The following VEGFC variants were observed in gnomAD, a reference collection of about 807,000 sequenced individuals.
VEGFC encodes the protein FLT4 ligand DHM.
A neutral mutation model predicts 46.1 loss-of-function variants in VEGFC; 12 were observed. The observed-to-expected ratio is 0.26, with a 90% CI of 0.17 to 0.42. The LOEUF (loss-of-function observed/expected upper bound fraction) is 0.42. Among genes scored for constraint, VEGFC ranks in the 10% least tolerant of loss-of-function variants. The pLI, the probability that VEGFC is intolerant of heterozygous loss-of-function variation, is 1.00. For missense variants in VEGFC, 488 were observed against 529.4 expected (o/e 0.92, Z 0.77); for synonymous variants, 232 against 195.5 (o/e 1.19, Z -1.56).
At position 176,792,362 on chromosome 4, in the gene VEGFC, G is replaced by A; in HGVS notation, c.-51C>T. ...CGGTCCGCTGGCGGGGGCAGGGGTG[G>A]GGGCGCGGGCGCCCCTGCGAGGCCG... On this transcript the variant is annotated 5_prime_UTR_variant, in exon 1 of 7. Transcript: ENST00000618562. The surrounding 1 kb of genome is among the most constrained non-coding windows in gnomAD (Gnocchi z 6.3). The A allele has an allele frequency of 7.3e-7, 1 of 1,369,188 alleles. No individual in the cohort carries two copies. The allele number at this position is 1,369,188 out of a possible 1,614,324, so 84.8% of individuals were successfully genotyped here.
At chr4:176,714,876 T>C (rs528944187) in intron 3 of VEGFC, among the ~76,000 whole-genome samples, 2 of 152,318 alleles carry the variant, frequency 1.3e-5, no homozygotes, top group South Asian at 4.1e-4. Flanking sequence ...AATAGCTAAT[T>C]CACATTAAGA....
intron 1 of VEGFC, among the ~76,000 whole-genome samples, chr4:176,762,305 G>T (rs1486066302): frequency 6.6e-6 from 1 of 152,154 alleles, no homozygotes; most frequent in African/African-American, 2.4e-5. Flanking sequence ...TGCCCAGATT[G>T]GTGGGTTTAA....
At chr4:176,719,137 C>G (rs1734740578) in intron 3 of VEGFC, among the ~76,000 whole-genome samples, 1 of 152,062 alleles carries the variant, frequency 6.6e-6, no homozygotes, top group African/African-American at 2.4e-5. Flanking sequence ...CCCTGATAAC[C>G]TCCCCTTCAT....
intron 1 of VEGFC, among the ~76,000 whole-genome samples, chr4:176,733,562 AG>A (rs1383204479): frequency 6.6e-6 from 1 of 151,874 alleles, no homozygotes; most frequent in East Asian, 1.9e-4. Flanking sequence ...GCAAATCTAC[AG>A]GGGGAGTAAC....
At chr4:176,711,176 G>A (rs2110998804) in intron 4 of VEGFC, among the ~76,000 whole-genome samples, 1 of 152,214 alleles carries the variant, frequency 6.6e-6, no homozygotes, top group Non-Finnish European at 1.5e-5. Flanking sequence ...TGATTTATGA[G>A]TTAGCATACC....
chr4:176,777,630 G>A (rs1055005579), intron 1 of VEGFC, among the ~76,000 whole-genome samples: 2 of 152,034 alleles, frequency 1.3e-5, no homozygotes, highest in South Asian at 4.2e-4. Flanking sequence ...AGCAATTCTT[G>A]TTATATATAG....
intron 4 of VEGFC, among the ~76,000 whole-genome samples, chr4:176,710,260 G>A (rs1734599732): frequency 2.0e-5 from 3 of 152,170 alleles, no homozygotes; most frequent in African/African-American, 7.2e-5. Flanking sequence ...GAGTCACTGA[G>A]GGCTTCTGCT....
intron 1 of VEGFC, among the ~76,000 whole-genome samples, chr4:176,743,636 A>G (rs1426247451): frequency 4.0e-5 from 6 of 150,956 alleles, no homozygotes; most frequent in Non-Finnish European, 8.9e-5. Context: ...ATAGATATAT[A>G]TGTCTGATGC....
rs184576859 is a variant in VEGFC at position 176,780,377 on chromosome 4, A to G, written c.147+11788T>C. ...AGCCTGGGCGACAGAGCGAGACTCC[A>G]TCTCAAAAAAAAAAAAAAAAAACTC... On this transcript the variant is annotated intron_variant, in intron 1 of 6. Coordinates refer to ENST00000618562, the MANE Select transcript of VEGFC (RefSeq NM_005429.5). 9.1e-3 allele frequency among the ~76,000 whole-genome samples: 1,343 copies of G among 148,042 alleles called. 72 individuals are homozygous for G. Among genetic ancestry groups the G allele is most frequent in the Admixed American group, 0.073 (1,065 of 14,490 alleles).
chr4:176,792,300 C>A lies in VEGFC; in HGVS notation c.12G>T (p.Leu4=). Residue 4 remains leucine (L), a synonymous_variant, in exon 1 of 7, where the codon CTG becomes CTT. Transcript: ENST00000618562. This position sits in a 1 kb window ranked among gnomAD's most constrained non-coding sequence, Gnocchi z 6.3. ...GAGAACACGCCACAGAGAAGAAGCC[C>A]AGCAAGTGCATGGTGGAAGGACCGG... The part of the protein sequence containing the change: MHL[L]GFFSVACSLL... 1 of 1,522,036 alleles carries A rather than the reference C, an allele frequency of 6.6e-7. No individual in the cohort carries two copies. 94.3% of individuals were successfully genotyped at this position (1,522,036 alleles called of 1,614,324 possible).
intron 1 of VEGFC, among the ~76,000 whole-genome samples, chr4:176,782,160 A>G (rs1735927818): frequency 6.6e-6 from 1 of 152,262 alleles, no homozygotes; most frequent in African/African-American, 2.4e-5. Flanking sequence ...ATGTAAGCAA[A>G]GCACTTGTAA....
chr4:176,690,343 G>A (rs62328268), intron 4 of VEGFC, among the ~76,000 whole-genome samples: 2 of 147,244 alleles, frequency 1.4e-5, no homozygotes, highest in Non-Finnish European at 3.0e-5. Flanking sequence ...TTTTTTTTTG[G>A]CTTTTTGGTT....
chr4:176,685,927 C>A (rs904081078), intron 6 of VEGFC, among the ~76,000 whole-genome samples: 8 of 151,986 alleles, frequency 5.3e-5, no homozygotes, highest in Non-Finnish European at 1.0e-4. Flanking sequence ...AAAATAAGGA[C>A]ACAAAACTCT....
rs1387016609 is a variant in VEGFC, at chr4:176,713,364, T to C, written c.553-1714A>G. Among the ~76,000 whole-genome samples, 7 of 152,288 alleles carry C rather than the reference T, an allele frequency of 4.6e-5. No individual in the cohort carries two copies. In the East Asian group the frequency reaches 1.4e-3, roughly 29 times the overall value. Reference sequence around the variant, plus strand: ...TTTAAGAGAGAATTCTGCAGTGTCTTCATAAGCTACAATTTTTCTATCTTT... The same window carrying C: ...TTTAAGAGAGAATTCTGCAGTGTCTCCATAAGCTACAATTTTTCTATCTTT... On this transcript the variant is annotated intron_variant, in intron 3 of 6. Coordinates refer to ENST00000618562, the MANE Select transcript of VEGFC (RefSeq NM_005429.5).
chr4:176,792,499 C>T lies in VEGFC; in HGVS notation c.-188G>A, dbSNP rs1267351808. 4 of 424,298 alleles carry T rather than the reference C, an allele frequency of 9.4e-6. No individual in the cohort carries two copies. The highest frequency in any genetic ancestry group is 1.6e-5 in the Non-Finnish European group (4 of 245,338). The allele number at this position is 424,298 out of a possible 1,614,324, so 26.3% of individuals were successfully genotyped here. A position where few individuals can be genotyped will look rare whatever the true frequency, so the allele number is the denominator to read the frequency against. Reference sequence around the variant, plus strand: ...CCGCGTTCCCAACTTTGCAGGGCGCCCTCCCAGCCAGTGCCGGGGAAAGGC... The same window carrying T: ...CCGCGTTCCCAACTTTGCAGGGCGCTCTCCCAGCCAGTGCCGGGGAAAGGC... On this transcript the variant is annotated 5_prime_UTR_variant, in exon 1 of 7. Coordinates refer to ENST00000618562, the MANE Select transcript of VEGFC (RefSeq NM_005429.5). This position sits in a 1 kb window ranked among gnomAD's most constrained non-coding sequence, Gnocchi z 6.3.
At chr4:176,691,080 T>C (rs112469340) in intron 4 of VEGFC, among the ~76,000 whole-genome samples, 2 of 152,166 alleles carry the variant, frequency 1.3e-5, no homozygotes, top group South Asian at 2.1e-4. Context: ...GCTTCAAAAG[T>C]GAGGAGCAAG....
chr4:176,743,284 A>T lies in VEGFC; in HGVS notation c.148-13538T>A, dbSNP rs569046223. Among the ~76,000 whole-genome samples, 20 of 152,138 alleles carry T rather than the reference A, an allele frequency of 1.3e-4. No homozygotes were observed. In the South Asian group the frequency reaches 1.7e-3, roughly 13 times the overall value. ...TTCCAAACTATCTATTTTCATATTT[A>T]AAAAAATGCTAAAAATATTTGGGAC... is the stretch of plus-strand genomic sequence containing the variant. On this transcript the variant is annotated intron_variant, in intron 1 of 6. Transcript: ENST00000618562.
Position 176,692,542 on chromosome 4 carries a change from G to C in VEGFC, c.705-4615C>G, listed in dbSNP as rs1386467076. Among the ~76,000 whole-genome samples, 2 of 134,050 alleles carry C rather than the reference G, an allele frequency of 1.5e-5. 1 individual carries two copies. The highest frequency in any genetic ancestry group is 7.3e-5 in the African/African-American group (2 of 27,344). 87.9% of individuals were successfully genotyped at this position (134,050 alleles called of 152,430 possible). Reference sequence around the variant, plus strand: ...GATCAAACTGCAAGGCGGCAATGAGGCTGGGGGAGGGACGCCCGCCATTGC... The same window carrying C: ...GATCAAACTGCAAGGCGGCAATGAGCCTGGGGGAGGGACGCCCGCCATTGC... On this transcript the variant is annotated intron_variant, in intron 4 of 6. Coordinates refer to ENST00000618562, the MANE Select transcript of VEGFC (RefSeq NM_005429.5).
intron 1 of VEGFC, among the ~76,000 whole-genome samples, chr4:176,738,243 A>C (rs898290256): frequency 6.6e-6 from 1 of 152,118 alleles, no homozygotes; most frequent in Non-Finnish European, 1.5e-5. Flanking sequence ...CAGATAGCCA[A>C]GACAATCCTA....
Sources: allele counts gnomAD v4.1 joint callset (sites outside exome capture counted in the v4.1 genomes callset), GRCh38; gene constraint gnomAD v4.1.1; non-coding constraint Gnocchi (gnomAD v3.1); transcripts MANE v1.5; gene names NCBI Gene and HGNC (gene_info 2026-07-23, HGNC 2026-07-21).